Variants in NTRK1 observed in about 807,000 individuals in gnomAD.
The protein encoded by NTRK1 is high affinity nerve growth factor receptor.
In NTRK1, 62 loss-of-function variants were observed where a neutral mutation model predicts 86.8. The observed-to-expected ratio is 0.71, with a 90% CI of 0.58 to 0.88. NTRK1 has a LOEUF of 0.88. Ranked by LOEUF, NTRK1 falls within the 40% of genes least tolerant of loss-of-function variation. The pLI is 0.00. For synonymous variants in NTRK1, 469 were observed against 456.6 expected, an observed-to-expected ratio of 1.03 and a Z score of -0.35; for missense variants, 967 against 1,078.4, an observed-to-expected ratio of 0.90 and a Z score of 1.45.
intron 16 of NTRK1, among the ~76,000 whole-genome samples, chr1:156,881,206 C>T (rs1204303813): frequency 6.6e-6 from 1 of 152,208 alleles, no homozygotes; most frequent in East Asian, 1.9e-4. Context: ...AGGATCTGAT[C>T]CCAGTTTTCT....
chr1:156,820,723 C>T (rs2102832652), intron 1 of NTRK1, among the ~76,000 whole-genome samples: 1 of 152,272 alleles, frequency 6.6e-6, no homozygotes, highest in South Asian at 2.1e-4. Flanking sequence ...AATGTGATGC[C>T]TCCAGATTTG....
At chr1:156,877,406 C>T (rs1426061731) in intron 14 of NTRK1, among the ~76,000 whole-genome samples, 2 of 152,228 alleles carry the variant, frequency 1.3e-5, no homozygotes, top group East Asian at 3.8e-4. Context: ...GTGCCTGTTT[C>T]ACAGATAAGG....
At chr1:156,856,824 G>A (rs945765342), upstream of NTRK1, among the ~76,000 whole-genome samples, 5 of 152,052 alleles carry the variant, frequency 3.3e-5, no homozygotes, top group African/African-American at 9.7e-5. Flanking sequence ...GGTGTGTCTC[G>A]CTTCTTCACT....
chr1:156,871,806 C>A (rs1335688400), intron 7 of NTRK1, 51 bp downstream of exon 7: 1 of 1,612,666 alleles, frequency 6.2e-7, no homozygotes, highest in Admixed American at 1.7e-5. Context: ...TCTCTTCTTC[C>A]CTCAAAAGAG....
intron 1 of NTRK1, chr1:156,841,016 G>T: frequency 6.2e-7 from 1 of 1,608,304 alleles, no homozygotes; most frequent in South Asian, 1.1e-5. Context: ...AAGGAGGGCC[G>T]CAGCTCCTCC....
chr1:156,846,046 C>T, intron 2 of NTRK1: 1 of 1,613,200 alleles, frequency 6.2e-7, no homozygotes, highest in Non-Finnish European at 8.5e-7. Context: ...TGCGCTGGGT[C>T]GGTGGCTTCC....
intron 2 of NTRK1, chr1:156,851,797 A>G: frequency 6.2e-7 from 1 of 1,605,328 alleles, no homozygotes. Flanking sequence ...TGCTAGCAGG[A>G]GCAAGCAGAT....
Position 156,816,172 on chromosome 1 carries a change from G to T in NTRK1, c.-64+334G>T, listed in dbSNP as rs572341336. 3.1e-4 allele frequency: 464 copies of T among 1,512,902 alleles called. 1 individual carries two copies. The African/African-American group carries it at 5.6e-3, about 18-fold the overall frequency. 93.7% of individuals were successfully genotyped at this position (1,512,902 alleles called of 1,614,324 possible). The stretch of plus-strand genomic sequence containing the variant: ...CTCTGCCTCCCACCCCTCCTCCCAG[G>T]CTCAGGGGATCTGGAGGGCTGGGAC... On this transcript the variant is annotated intron_variant, in intron 1 of 16. Coordinates refer to the NTRK1 transcript ENST00000392302.
At chr1:156,819,682 G>T (rs1398192847) in intron 1 of NTRK1, among the ~76,000 whole-genome samples, 3 of 151,716 alleles carry the variant, frequency 2.0e-5, no homozygotes, top group African/African-American at 4.8e-5. Flanking sequence ...ACCATGCCTG[G>T]CTAATTTTGT....
At chr1:156,841,189 G>A in intron 1 of NTRK1, 2 of 1,148,592 alleles carry the variant, frequency 1.7e-6, no homozygotes, top group Non-Finnish European at 2.5e-6. Context: ...CAGTTGGTGG[G>A]AGTGGGGATC....
intron 14 of NTRK1, among the ~76,000 whole-genome samples, chr1:156,876,868 T>C (rs962711605): frequency 6.6e-6 from 1 of 152,204 alleles, no homozygotes; most frequent in African/African-American, 2.4e-5. Flanking sequence ...CATTTGTGTG[T>C]GGCACACAAA....
intron 1 of NTRK1, chr1:156,816,150 T>C (rs1653907111): frequency 1.3e-6 from 2 of 1,551,762 alleles, no homozygotes; most frequent in Non-Finnish European, 1.7e-6. Flanking sequence ...TGTCTGTCTC[T>C]GCCTCCCACC....
chr1:156,828,113 T>C (rs1888862), intron 1 of NTRK1, among the ~76,000 whole-genome samples: 122,437 of 152,074 alleles, frequency 0.81, 49,432 homozygotes, highest in East Asian at 0.88. Context: ...ACATCCAGCC[T>C]ATAATATATC....
intron 1 of NTRK1, chr1:156,841,833 T>A (rs773970933): frequency 3.7e-6 from 6 of 1,613,948 alleles, no homozygotes; most frequent in African/African-American, 1.3e-5. Flanking sequence ...GTGTGGGGCA[T>A]AAGAGCCACG....
At chr1:156,841,077 C>T in intron 1 of NTRK1, 1 of 1,568,036 alleles carries the variant, frequency 6.4e-7, no homozygotes, top group Non-Finnish European at 8.6e-7. Context: ...GTGGGTTCGG[C>T]TGCCAGCAGC....
At chr1:156,867,634 ATTTCTTTTCTTTTCTTTC>A (rs1366134157) in intron 4 of NTRK1, among the ~76,000 whole-genome samples, 3 of 143,434 alleles carry the variant, frequency 2.1e-5, no homozygotes, top group Admixed American at 6.9e-5. Flanking sequence ...CGCCTGGCTT[ATTTCTTTTCTTTTCTTTC>A]TTTCTTTTCT....
chr1:156,845,335 AG>A (rs771019162), intron 2 of NTRK1: 41 of 1,608,620 alleles, frequency 2.5e-5, no homozygotes, highest in Non-Finnish European at 3.4e-5. Context: ...CAGCCCCCAA[AG>A]CCACGCCCCT....
chr1:156,863,422 C>T (rs994597513), intron 1 of NTRK1, among the ~76,000 whole-genome samples: 1 of 152,134 alleles, frequency 6.6e-6, no homozygotes, highest in Non-Finnish European at 1.5e-5. Flanking sequence ...GTCTCTCTCT[C>T]TCTCTCTCTT....
At chr1:156,847,574 G>C (rs975627198) in intron 2 of NTRK1, among the ~76,000 whole-genome samples, 1 of 152,314 alleles carries the variant, frequency 6.6e-6, no homozygotes, top group South Asian at 2.1e-4. Context: ...AAACTTGAGG[G>C]AGGTCAAATT....
Sources: allele counts gnomAD v4.1 joint callset (sites outside exome capture counted in the v4.1 genomes callset), GRCh38; gene constraint gnomAD v4.1.1; transcripts MANE v1.5; gene names NCBI Gene and HGNC (gene_info 2026-07-23, HGNC 2026-07-21).